Variants in PCDH9 observed in about 807,000 individuals in gnomAD.
PCDH9 encodes the protein protocadherin-9.
A neutral mutation model predicts 70.6 loss-of-function variants in PCDH9; 24 were observed. The ratio of observed to expected loss-of-function variants is 0.34; its 90% confidence interval spans 0.25 to 0.48. The LOEUF (loss-of-function observed/expected upper bound fraction) is 0.48. Among genes scored for constraint, PCDH9 ranks in the 20% least tolerant of loss-of-function variants. The pLI is 0.99. For synonymous variants in PCDH9, 562 were observed against 558.5 expected (o/e 1.01, Z -0.09); for missense variants, 1,281 against 1,503.6 (o/e 0.85, Z 2.45).
chr13:66,711,227 G>A (rs1490382097), intron 3 of PCDH9, among the ~76,000 whole-genome samples: 2 of 152,040 alleles, frequency 1.3e-5, no homozygotes, highest in South Asian at 2.1e-4. Context: ...CATATATAAT[G>A]ACATAGAAAT....
At chr13:66,502,550 C>A (rs1377715259) in intron 4 of PCDH9, among the ~76,000 whole-genome samples, 1 of 152,042 alleles carries the variant, frequency 6.6e-6, no homozygotes, top group Non-Finnish European at 1.5e-5. Flanking sequence ...AGCAATTTTA[C>A]CTGCCAAGAT....
At position 66,394,423 on chromosome 13, in the gene PCDH9, G is replaced by A. The variant is rs138839659; in HGVS notation, c.3341-89395C>T. On this transcript the variant is annotated intron_variant, in intron 4 of 4. Coordinates refer to ENST00000377865, the MANE Select transcript of PCDH9 (RefSeq NM_203487.3). Reference sequence around the variant, plus strand: ...TAGGAGTGGAAAAGAAAAGAAAATCGGACTAAAATATTGGGATTTGTTACT... The same window carrying A: ...TAGGAGTGGAAAAGAAAAGAAAATCAGACTAAAATATTGGGATTTGTTACT... 1.1e-4 allele frequency among the ~76,000 whole-genome samples: 16 copies of A among 152,142 alleles called. No individual in the cohort carries two copies. The East Asian group carries it at 2.5e-3, about 24-fold the overall frequency.
intron 2 of PCDH9, among the ~76,000 whole-genome samples, chr13:67,192,609 TG>T (rs1386410189): frequency 6.6e-6 from 1 of 152,140 alleles, no homozygotes; most frequent in Non-Finnish European, 1.5e-5. Flanking sequence ...GTATTAGAAA[TG>T]TATTAGAAAG....
chr13:66,337,550 A>G (rs1956056830), intron 4 of PCDH9, among the ~76,000 whole-genome samples: 1 of 151,976 alleles, frequency 6.6e-6, no homozygotes, highest in South Asian at 2.1e-4. Context: ...TATTTCCAGT[A>G]TTTCCACCTG....
intron 3 of PCDH9, among the ~76,000 whole-genome samples, chr13:66,835,363 T>A (rs1341962115): frequency 3.3e-5 from 5 of 152,174 alleles, no homozygotes; most frequent in Non-Finnish European, 5.9e-5. Flanking sequence ...GCCAGTCAGA[T>A]TAGGCTGAAA....
chr13:66,384,637 A>G (rs1956899116), intron 4 of PCDH9, among the ~76,000 whole-genome samples: 1 of 152,092 alleles, frequency 6.6e-6, no homozygotes, highest in African/African-American at 2.4e-5. Context: ...GATTTATTCA[A>G]CCTACATATC....
intron 2 of PCDH9, among the ~76,000 whole-genome samples, chr13:67,190,951 T>C (rs758479596): frequency 1.3e-5 from 2 of 152,106 alleles, no homozygotes; most frequent in Non-Finnish European, 2.9e-5. Context: ...AATTTCTATT[T>C]TTCTTCTTAC....
chr13:66,813,385 C>G (rs2080543880), intron 3 of PCDH9, among the ~76,000 whole-genome samples: 1 of 149,680 alleles, frequency 6.7e-6, no homozygotes, highest in Non-Finnish European at 1.5e-5. Flanking sequence ...CTCTGGTGTA[C>G]AGTTGATACT....
chr13:66,852,578 C>G (rs1218672112), intron 3 of PCDH9, among the ~76,000 whole-genome samples: 1 of 152,154 alleles, frequency 6.6e-6, no homozygotes, highest in Admixed American at 6.5e-5. Context: ...CACAACACCC[C>G]TTCCCCCAAA....
chr13:66,424,555 A>G (rs1426689822), intron 4 of PCDH9, among the ~76,000 whole-genome samples: 6 of 151,944 alleles, frequency 3.9e-5, no homozygotes, highest in Non-Finnish European at 7.4e-5. Context: ...GTCTAAACTG[A>G]AGATAAATAA....
intron 4 of PCDH9, among the ~76,000 whole-genome samples, chr13:66,517,395 A>G (rs1281261308): frequency 6.6e-6 from 1 of 152,110 alleles, no homozygotes; most frequent in Non-Finnish European, 1.5e-5. Flanking sequence ...GGGTTGCATA[A>G]TTGTGAGACT....
intron 3 of PCDH9, among the ~76,000 whole-genome samples, chr13:66,631,657 T>C: frequency 6.6e-6 from 1 of 152,166 alleles, no homozygotes; most frequent in East Asian, 1.9e-4. Context: ...GTTGGGGCTT[T>C]GAAAAGTGTA....
intron 2 of PCDH9, among the ~76,000 whole-genome samples, chr13:67,192,201 T>C (rs770102458): frequency 6.6e-6 from 1 of 152,080 alleles, no homozygotes; most frequent in Non-Finnish European, 1.5e-5. Context: ...TCTTCCACTA[T>C]GCAATTCTTT....
chr13:67,119,859 A>T (rs2086844598), intron 2 of PCDH9, among the ~76,000 whole-genome samples: 1 of 152,180 alleles, frequency 6.6e-6, no homozygotes, highest in African/African-American at 2.4e-5. Flanking sequence ...ATTCTGAGCC[A>T]GGTGGTCATG....
chr13:66,830,670 A>C (rs1013227416), intron 3 of PCDH9, among the ~76,000 whole-genome samples: 1 of 152,164 alleles, frequency 6.6e-6, no homozygotes, highest in African/African-American at 2.4e-5. Context: ...TAATAAATTC[A>C]ACATGCATTA....
At chr13:66,527,652 G>GGCCCAAAT (rs1475895314) in intron 4 of PCDH9, among the ~76,000 whole-genome samples, 2 of 151,970 alleles carry the variant, frequency 1.3e-5, no homozygotes, top group Non-Finnish European at 2.9e-5. Flanking sequence ...AATATGACTT[G>GGCCCAAAT]ACACAGTGGC....
chr13:66,808,302 A>G (rs1478787449), intron 3 of PCDH9, among the ~76,000 whole-genome samples: 1 of 152,188 alleles, frequency 6.6e-6, no homozygotes, highest in African/African-American at 2.4e-5. Context: ...TGAGTTTGAT[A>G]CTATATCCTC....
chr13:66,640,421 T>C (rs1004562185), intron 3 of PCDH9, among the ~76,000 whole-genome samples: 2 of 152,242 alleles, frequency 1.3e-5, no homozygotes, highest in Admixed American at 1.3e-4. Context: ...GGCCACGTTT[T>C]TAAAGTAAGT....
chr13:66,881,465 G>A (rs538838099), intron 3 of PCDH9, among the ~76,000 whole-genome samples: 1 of 152,062 alleles, frequency 6.6e-6, no homozygotes, highest in Non-Finnish European at 1.5e-5. Context: ...GAACAGCACA[G>A]GAAAGACTCA....
Sources: allele counts gnomAD v4.1 joint callset (sites outside exome capture counted in the v4.1 genomes callset), GRCh38; gene constraint gnomAD v4.1.1; transcripts MANE v1.5; gene names NCBI Gene and HGNC (gene_info 2026-07-23, HGNC 2026-07-21).